Variants in GRB10 observed in about 807,000 individuals in gnomAD.
The protein encoded by GRB10 is growth factor receptor bound protein 10.
A neutral mutation model predicts 80.9 loss-of-function variants in GRB10; 20 were observed. The ratio of observed to expected loss-of-function variants is 0.25; its 90% CI spans 0.17 to 0.36. GRB10 has a LOEUF of 0.36. Among genes scored for constraint, GRB10 ranks in the 10% least tolerant of loss-of-function variants. The probability of loss-of-function intolerance (pLI) is 1.00; values close to 1 mark genes in which losing one functional copy is unlikely to be tolerated. For synonymous variants in GRB10, 291 were observed against 291.5 expected (o/e 1.00, Z 0.02); for missense variants, 548 against 747.7 (o/e 0.73, Z 3.12).
intron 5 of GRB10, among the ~76,000 whole-genome samples, chr7:50,701,851 C>T (rs1277209047): frequency 1.3e-5 from 2 of 152,218 alleles, no homozygotes; most frequent in Admixed American, 1.3e-4. Flanking sequence ...GTCTTACAGA[C>T]ATTATTCTTT....
intron 3 of GRB10, among the ~76,000 whole-genome samples, chr7:50,753,108 C>A (rs2074424803): frequency 6.6e-6 from 1 of 152,206 alleles, no homozygotes; most frequent in Non-Finnish European, 1.5e-5. Context: ...AAGTCTAGTG[C>A]CATGGCCCGT....
At chr7:50,768,588 C>T (rs2076624119) in intron 2 of GRB10, among the ~76,000 whole-genome samples, 2 of 152,208 alleles carry the variant, frequency 1.3e-5, no homozygotes, top group Admixed American at 6.5e-5. Flanking sequence ...CTTACAGAGC[C>T]ACCTCCAACA....
chr7:50,747,281 G>C (rs2153699257), intron 3 of GRB10, among the ~76,000 whole-genome samples: 1 of 152,284 alleles, frequency 6.6e-6, no homozygotes, highest in East Asian at 1.9e-4. Context: ...CTGGGGCTGG[G>C]ATTCCTGCTT....
intron 4 of GRB10, chr7:50,726,864 A>C (rs1290918922): frequency 7.9e-5 from 12 of 152,212 alleles, no homozygotes. Flanking sequence ...TGTTCTCCTC[A>C]GTCTCACCAA....
intron 5 of GRB10, among the ~76,000 whole-genome samples, chr7:50,695,461 GCTTTCTTTCTT>G (rs2063321117): frequency 9.9e-6 from 1 of 100,670 alleles, no homozygotes; most frequent in Admixed American, 1.3e-4. Flanking sequence ...CCTCTTGGCT[GCTTTCTTTCTT>G]AAGCAGGGGC....
intron 5 of GRB10, among the ~76,000 whole-genome samples, chr7:50,700,950 G>A (rs2064121297): frequency 6.6e-6 from 1 of 152,222 alleles, no homozygotes; most frequent in Non-Finnish European, 1.5e-5. Flanking sequence ...AGCTATGTGT[G>A]TCTATTAACT....
chr7:50,754,136 T>A (rs1338066084), intron 3 of GRB10, among the ~76,000 whole-genome samples: 1 of 152,240 alleles, frequency 6.6e-6, no homozygotes, highest in African/African-American at 2.4e-5. Flanking sequence ...GCTGCCTTCC[T>A]GAAGCTCGCA....
intron 3 of GRB10, among the ~76,000 whole-genome samples, chr7:50,741,030 A>C (rs1161241025): frequency 6.6e-6 from 1 of 152,212 alleles, no homozygotes; most frequent in Admixed American, 6.5e-5. Flanking sequence ...ATTGATAATG[A>C]ATAAAAACAG....
chr7:50,633,636 G>T (rs1163445592), intron 7 of GRB10, among the ~76,000 whole-genome samples: 1 of 151,828 alleles, frequency 6.6e-6, no homozygotes, highest in Middle Eastern at 3.2e-3. Flanking sequence ...AGAGAAAGTT[G>T]AAAACCAACA....
intron 7 of GRB10, among the ~76,000 whole-genome samples, chr7:50,640,344 C>A (rs1262041350): frequency 6.6e-6 from 1 of 152,174 alleles, no homozygotes; most frequent in Non-Finnish European, 1.5e-5. Flanking sequence ...CCAGCAGGCA[C>A]AGAAGGACAT....
intron 5 of GRB10, among the ~76,000 whole-genome samples, chr7:50,690,778 T>C (rs1303200429): frequency 1.3e-5 from 2 of 152,234 alleles, no homozygotes; most frequent in Non-Finnish European, 2.9e-5. Context: ...AAGCCCTCTA[T>C]TGAGCTGCAA....
intron 2 of GRB10, among the ~76,000 whole-genome samples, chr7:50,765,647 G>A (rs1045067195): frequency 1.3e-5 from 2 of 152,122 alleles, no homozygotes; most frequent in Non-Finnish European, 2.9e-5. Flanking sequence ...GAGTAGGGGG[G>A]TATGGAGGAT....
At chr7:50,787,955 C>T (rs567536648) in intron 1 of GRB10, among the ~76,000 whole-genome samples, 1 of 152,146 alleles carries the variant, frequency 6.6e-6, no homozygotes, top group African/African-American at 2.4e-5. Flanking sequence ...TTAGAGGGCA[C>T]TGAACATGAC....
chr7:50,594,125 G>A lies in GRB10; in HGVS notation c.1639-1027C>T, dbSNP rs116359383. 7.9e-3 allele frequency among the ~76,000 whole-genome samples: 1,203 copies of A among 152,252 alleles called. 11 individuals are homozygous for A. Among genetic ancestry groups the A allele is most frequent in the African/African-American group, 0.028 (1,144 of 41,546 alleles). On this transcript the variant is annotated intron_variant, in intron 18 of 18. Transcript: ENST00000401949. ...ATTGTCTATGCAGCACTTTCCCTAG[G>A]ACAGTAATTCCTGTATTTGCATATA...
intron 7 of GRB10, chr7:50,645,517 C>G (rs2057043057): frequency 1.3e-6 from 1 of 783,440 alleles, no homozygotes; most frequent in African/African-American, 1.9e-5. Context: ...ACCAAGCAAA[C>G]AAAAAGGATC....
intron 5 of GRB10, among the ~76,000 whole-genome samples, chr7:50,687,107 G>T (rs1195708740): frequency 2.0e-5 from 3 of 152,168 alleles, no homozygotes; most frequent in African/African-American, 7.2e-5. Context: ...TTTCCCGAAA[G>T]CCAGCCAGCC....
In GRB10 at chr7:50,592,911, T is replaced by C. The variant is rs779659227; in HGVS notation, c.*41A>G. The C allele has an allele frequency of 2.5e-6, 4 of 1,610,646 alleles. No individual in the cohort carries two copies. The highest frequency in any genetic ancestry group is 1.3e-5 in the African/African-American group (1 of 74,970). ...CGCACAGACCGCTTCTTCACTCCAG[T>C]GTTCACTTCCTCCAGTCTTCAGCCG... On this transcript the variant is annotated 3_prime_UTR_variant, in exon 19 of 19. Transcript: ENST00000401949.
intron 5 of GRB10, among the ~76,000 whole-genome samples, chr7:50,689,199 G>A (rs918435364): frequency 1.3e-5 from 2 of 152,178 alleles, no homozygotes; most frequent in South Asian, 4.1e-4. Context: ...CAGTAGCTGG[G>A]GTGCTGCAGG....
intron 4 of GRB10, among the ~76,000 whole-genome samples, chr7:50,731,532 A>G (rs1351761252): frequency 1.3e-5 from 2 of 152,176 alleles, no homozygotes; most frequent in African/African-American, 4.8e-5. Context: ...AGTACTTCCA[A>G]TGACAAATCA....
Sources: gnomAD v4.1 joint callset for allele counts (sites outside exome capture counted in the v4.1 genomes callset) on GRCh38, gnomAD v4.1.1 for gene constraint, MANE v1.5 for transcripts, NCBI Gene and HGNC (gene_info 2026-07-23, HGNC 2026-07-21) for gene names.